Variants in SAP130 observed in about 807,000 individuals in gnomAD.
SAP130 encodes histone deacetylase complex subunit SAP130.
SAP130 carries 16 observed loss-of-function variants against 103.2 expected under a neutral mutation model. That is an observed-to-expected ratio of 0.16 (90% CI 0.10 to 0.24). The LOEUF (loss-of-function observed/expected upper bound fraction) is 0.24, where lower values mean the gene tolerates loss of function less well. Among genes scored for constraint, SAP130 ranks in the 10% least tolerant of loss-of-function variants. The pLI is 1.00. For missense variants in SAP130, 990 were observed against 1,359.7 expected, an observed-to-expected ratio of 0.73 and a Z score of 4.28; for synonymous variants, 477 against 497.0, an observed-to-expected ratio of 0.96 and a Z score of 0.53.
intron 2 of SAP130, among the ~76,000 whole-genome samples, chr2:128,022,634 T>C (rs541165774): frequency 2.0e-5 from 3 of 152,176 alleles, no homozygotes; most frequent in African/African-American, 7.2e-5. Context: ...TTGTCAGTCT[T>C]TGTAATTTCA....
intron 16 of SAP130, among the ~76,000 whole-genome samples, chr2:127,952,287 C>T (rs1679545358): frequency 6.6e-6 from 1 of 151,900 alleles, no homozygotes; most frequent in Non-Finnish European, 1.5e-5. Context: ...CCCATCTCTA[C>T]TAAAAATATA....
chr2:127,991,919 C>A (rs374961497), intron 12 of SAP130, among the ~76,000 whole-genome samples: 41 of 152,322 alleles, frequency 2.7e-4, no homozygotes, highest in East Asian at 2.5e-3. Flanking sequence ...CCATATAGCA[C>A]CGTGTGGCAG....
intron 15 of SAP130, among the ~76,000 whole-genome samples, chr2:127,973,787 CAT>C (rs1244447834): frequency 1.3e-5 from 2 of 152,034 alleles, no homozygotes; most frequent in African/African-American, 2.4e-5. Flanking sequence ...ACTTTTAAGA[CAT>C]ATGGGCAGGG....
In SAP130 at chr2:127,942,000, C is replaced by G; in HGVS notation, c.*6G>C. The G allele has an allele frequency of 1.4e-6, 2 of 1,420,430 alleles. No individual in the cohort carries two copies. The highest frequency in any genetic ancestry group is 1.9e-6 in the Non-Finnish European group (2 of 1,071,558). 88.0% of individuals were successfully genotyped at this position (1,420,430 alleles called of 1,614,324 possible). A position where few individuals can be genotyped will look rare whatever the true frequency, so the allele number is the denominator to read the frequency against. On this transcript the variant is annotated 3_prime_UTR_variant, in exon 21 of 21. Coordinates refer to ENST00000643581, the MANE Select transcript of SAP130 (RefSeq NM_001330301.2). ...ATTTGCTTCCAATCTCCTGATTGTT[C>G]TGGGTCTAGACTTTTTCCTTTCGCT...
chr2:127,990,336 A>T (rs1165491629), intron 12 of SAP130, among the ~76,000 whole-genome samples: 2 of 152,086 alleles, frequency 1.3e-5, no homozygotes, highest in African/African-American at 2.4e-5. Context: ...CTTACAAGGC[A>T]AACACCCCAT....
chr2:127,964,494 C>CAAAA (rs55755397), intron 15 of SAP130, among the ~76,000 whole-genome samples: 4 of 69,892 alleles, frequency 5.7e-5, no homozygotes, highest in East Asian at 4.1e-4. Context: ...AACTCCATCT[C>CAAAA]AAAAAAAAAA....
chr2:127,964,019 C>T (rs1248587766), intron 15 of SAP130, among the ~76,000 whole-genome samples: 2 of 152,142 alleles, frequency 1.3e-5, no homozygotes, highest in African/African-American at 4.8e-5. Context: ...AACAGAAAGC[C>T]CTTTTTACCC....
Position 127,955,067 on chromosome 2 carries a change from A to C in SAP130, c.2341T>G (p.Ser781Ala), listed in dbSNP as rs1254996258. ...PPSVTVGGSL[S>A]SVLGPPVPEI... is the part of the protein sequence containing the mutation. ...GGAACGGGAGGGCCCAAGACGGAGG[A>C]AAGACTGCCACCCACAGTGACTGAT... The change falls in exon 16 of 21, where the codon TCC (serine) becomes GCC (alanine). Residue 781 changes from serine (S) to alanine (A), a missense_variant. Physicochemically the swap from Ser to Ala is moderately conservative, Grantham distance 99. Coordinates refer to ENST00000643581, the MANE Select transcript of SAP130 (RefSeq NM_001330301.2). The surrounding 1 kb of genome is among the most constrained non-coding windows in gnomAD (Gnocchi z 4.9). 1.9e-6 allele frequency: 3 copies of C among 1,614,008 alleles called. No homozygotes were observed. In the African/African-American group the frequency reaches 4.0e-5, roughly 22 times the overall value.
At chr2:128,008,842 T>C (rs1429352818) in intron 7 of SAP130, among the ~76,000 whole-genome samples, 1 of 151,832 alleles carries the variant, frequency 6.6e-6, no homozygotes, top group African/African-American at 2.4e-5. Flanking sequence ...CACACCACCA[T>C]GCCTGGCTAC....
chr2:127,990,152 A>G (rs1682688676), intron 12 of SAP130, among the ~76,000 whole-genome samples: 1 of 152,230 alleles, frequency 6.6e-6, no homozygotes, highest in Admixed American at 6.5e-5. Flanking sequence ...ATTAGCCAGG[A>G]AACCATGCTA....
chr2:128,013,944 A>T (rs1010770297), intron 5 of SAP130, among the ~76,000 whole-genome samples: 1 of 152,200 alleles, frequency 6.6e-6, no homozygotes, highest in African/African-American at 2.4e-5. Flanking sequence ...TAAGTTAAAA[A>T]ACTGAGTAAA....
At chr2:127,956,647 A>G (rs2438015) in intron 15 of SAP130, among the ~76,000 whole-genome samples, 109,458 of 144,674 alleles carry the variant, frequency 0.76, 43,541 homozygotes, top group Non-Finnish European at 0.88. Flanking sequence ...GCGCATGTAG[A>G]CATATGTAAC....
intron 12 of SAP130, among the ~76,000 whole-genome samples, chr2:127,992,064 TA>T (rs1377307979): frequency 6.6e-6 from 1 of 151,082 alleles, no homozygotes; most frequent in Non-Finnish European, 1.5e-5. Context: ...TTCAACCTCC[TA>T]GGCTCAGGCA....
At chr2:127,987,030 T>C (rs1682453127) in intron 13 of SAP130, 68 bp from the exon 14 acceptor site, 1 of 1,402,512 alleles carries the variant, frequency 7.1e-7, no homozygotes, top group Non-Finnish European at 9.9e-7. Context: ...AAGACATAAA[T>C]AAAAATGATG....
chr2:128,027,916 C>T, intron 1 of SAP130, 24 bp downstream of exon 1: 2 of 985,352 alleles, frequency 2.0e-6, no homozygotes, highest in Non-Finnish European at 2.4e-6. Flanking sequence ...CCCCTTCCCT[C>T]CCGGGCGCCC....
At chr2:128,003,193 AAAAG>A (rs1683696809) in intron 7 of SAP130, among the ~76,000 whole-genome samples, 1 of 151,582 alleles carries the variant, frequency 6.6e-6, no homozygotes, top group African/African-American at 2.4e-5. Context: ...CACTGGGAGC[AAAAG>A]AAAGAGACTT....
intron 7 of SAP130, among the ~76,000 whole-genome samples, chr2:128,001,505 C>A (rs945169252): frequency 1.3e-5 from 2 of 152,224 alleles, no homozygotes; most frequent in African/African-American, 4.8e-5. Flanking sequence ...TAGTAATCTA[C>A]AAATAGCAAG....
intron 13 of SAP130, among the ~76,000 whole-genome samples, chr2:127,988,264 A>G (rs924915282): frequency 1.3e-5 from 2 of 151,810 alleles, no homozygotes; most frequent in African/African-American, 4.8e-5. Flanking sequence ...TCTACAAAAA[A>G]TCAAAAATAA....
chr2:127,970,705 A>G (rs1681023170), intron 15 of SAP130, among the ~76,000 whole-genome samples: 1 of 151,964 alleles, frequency 6.6e-6, no homozygotes, highest in Non-Finnish European at 1.5e-5. Flanking sequence ...CAAACAAAAC[A>G]AAACAAAACA....
Sources: gnomAD v4.1 joint callset for allele counts (sites outside exome capture counted in the v4.1 genomes callset) on GRCh38, gnomAD v4.1.1 for gene constraint, Gnocchi (gnomAD v3.1) non-coding constraint, MANE v1.5 for transcripts, NCBI Gene and HGNC (gene_info 2026-07-23, HGNC 2026-07-21) for gene names.